The following NET1 variants were observed in gnomAD, a reference collection of about 807,000 sequenced individuals.
The protein encoded by NET1 is neuroepithelial cell-transforming gene 1 protein.
In NET1, 42 loss-of-function variants were observed where a neutral mutation model predicts 61.1. That is an observed-to-expected ratio of 0.69 (90% CI 0.54 to 0.89). The LOEUF (loss-of-function observed/expected upper bound fraction) is 0.89, where lower values mean the gene tolerates loss of function less well. NET1 is among the 40% of genes least tolerant of loss of function. The pLI is 0.00. For missense variants in NET1, 654 were observed against 747.3 expected (o/e 0.88, Z 1.46); for synonymous variants, 254 against 281.8 (o/e 0.90, Z 0.99).
Position 5,446,143 on chromosome 10 carries a change from A to G in NET1, c.256-5687A>G, listed in dbSNP as rs1224380171. ...CTAGTCTTAAGAAAAAGTGGGAACT[A>G]TTTAAAGACTTAGATAATCTATTTT... On this transcript the variant is annotated intron_variant, in intron 3 of 11. Coordinates refer to ENST00000355029, the MANE Select transcript of NET1 (RefSeq NM_001047160.3). The surrounding 1 kb of genome is among the most constrained non-coding windows in gnomAD (Gnocchi z 5.0). Among the ~76,000 whole-genome samples, 2 of 152,234 alleles carry G rather than the reference A, an allele frequency of 1.3e-5. No homozygotes were observed. The highest frequency in any genetic ancestry group is 2.9e-5 in the Non-Finnish European group (2 of 68,046).
At position 5,427,422 on chromosome 10, in the gene NET1, C is replaced by T. The variant is rs78585876; in HGVS notation, c.195+701C>T. 9.6e-3 allele frequency among the ~76,000 whole-genome samples: 1,464 copies of T among 152,152 alleles called. 20 individuals carry two copies. The highest frequency in any genetic ancestry group is 0.033 in the African/African-American group (1,389 of 41,496). On this transcript the variant is annotated intron_variant, in intron 2 of 11. Transcript: ENST00000355029. This position sits in a 1 kb window ranked among gnomAD's most constrained non-coding sequence, Gnocchi z 4.1. The stretch of plus-strand genomic sequence containing the variant: ...TAATATTGCTAGGCAGTTTCCTCCC[C>T]ACTTCTTCTCCTTCTCCATATTAGT...
chr10:5,455,239 A>G lies in NET1; in HGVS notation c.1197+121A>G, dbSNP rs1832777210. On this transcript the variant is annotated intron_variant, in intron 10 of 11. Transcript: ENST00000355029. The surrounding 1 kb of genome is among the most constrained non-coding windows in gnomAD (Gnocchi z 6.5). ...ATGACATAGTAAAAGAAGGTTGCCAATTTTAATTTTATATTACCAGCTTGA... is the reference window on the plus strand; with the variant it reads ...ATGACATAGTAAAAGAAGGTTGCCAGTTTTAATTTTATATTACCAGCTTGA... 3 of 854,478 alleles carry G rather than the reference A, an allele frequency of 3.5e-6. No homozygotes were observed. Among genetic ancestry groups the G allele is most frequent in the Non-Finnish European group, 5.4e-6 (3 of 554,512 alleles). The allele number at this position is 854,478 out of a possible 1,614,324, so 52.9% of individuals were successfully genotyped here.
chr10:5,442,928 C>A (rs188183172), intron 3 of NET1, among the ~76,000 whole-genome samples: 5 of 151,224 alleles, frequency 3.3e-5, no homozygotes, highest in Non-Finnish European at 3.0e-5. Context: ...ACTTACACAA[C>A]TGGAACTATT....
Position 5,420,403 on chromosome 10 carries a change from G to A in NET1, c.129-6252G>A, listed in dbSNP as rs952825381. Reference sequence around the variant, plus strand: ...TTATAACTCAGGTGGAATATATTTGGTATGTTGTATAAGATGTATTTGGGA... The same window carrying A: ...TTATAACTCAGGTGGAATATATTTGATATGTTGTATAAGATGTATTTGGGA... On this transcript the variant is annotated intron_variant, in intron 1 of 11. Transcript: ENST00000355029. The surrounding 1 kb of genome is among the most constrained non-coding windows in gnomAD (Gnocchi z 5.3). Among the ~76,000 whole-genome samples the A allele has an allele frequency of 6.6e-6, 1 of 152,032 alleles. No homozygotes were observed. Among genetic ancestry groups the A allele is most frequent in the African/African-American group, 2.4e-5 (1 of 41,392 alleles).
Position 5,439,589 on chromosome 10 carries a change from A to T in NET1, c.255+10360A>T, listed in dbSNP as rs556542206. Among the ~76,000 whole-genome samples, 2 of 152,162 alleles carry T rather than the reference A, an allele frequency of 1.3e-5. No individual in the cohort carries two copies. The highest frequency in any genetic ancestry group is 2.9e-5 in the Non-Finnish European group (2 of 68,028). On this transcript the variant is annotated intron_variant, in intron 3 of 11. Transcript: ENST00000355029. This position sits in a 1 kb window ranked among gnomAD's most constrained non-coding sequence, Gnocchi z 4.8. ...GTTTGTTTTGGGCACCTCTGATCGC[A>T]CAGTTAAATGATGTCCTGTAGCCAG...
chr10:5,417,855 A>G lies in NET1; in HGVS notation c.128+5035A>G, dbSNP rs1832107275. 6.6e-6 allele frequency among the ~76,000 whole-genome samples: 1 copy of G among 151,920 alleles called. No individual in the cohort carries two copies. Among genetic ancestry groups the G allele is most frequent in the Non-Finnish European group, 1.5e-5 (1 of 67,974 alleles). ...GTTGAGGAAGTTCCATTCTGTTACT[A>G]GTTTTTGAGTGGTTTTTATCATGAA... On this transcript the variant is annotated intron_variant, in intron 1 of 11. Transcript: ENST00000355029. This position sits in a 1 kb window ranked among gnomAD's most constrained non-coding sequence, Gnocchi z 5.5.
chr10:5,438,744 C>A (rs1159315998), intron 3 of NET1, among the ~76,000 whole-genome samples: 1 of 152,174 alleles, frequency 6.6e-6, no homozygotes, highest in East Asian at 1.9e-4. Flanking sequence ...TCTAAGAGAT[C>A]AGTATTATCC....
At chr10:5,418,489 T>G (rs922395429) in intron 1 of NET1, among the ~76,000 whole-genome samples, 5 of 152,144 alleles carry the variant, frequency 3.3e-5, no homozygotes, top group Non-Finnish European at 7.4e-5. Context: ...TCAATAGTAA[T>G]GTCCCCTCTT....
At position 5,431,166 on chromosome 10, in the gene NET1, C is replaced by T. The variant is rs959821889; in HGVS notation, c.255+1937C>T. On this transcript the variant is annotated intron_variant, in intron 3 of 11. Transcript: ENST00000355029. This position sits in a 1 kb window ranked among gnomAD's most constrained non-coding sequence, Gnocchi z 4.9. Reference sequence around the variant, plus strand: ...GATTACAGGCGTGAGCCACCGCGCCCGGCCTTAACTATATCTCTTAAGTCT... The same window carrying T: ...GATTACAGGCGTGAGCCACCGCGCCTGGCCTTAACTATATCTCTTAAGTCT... Among the ~76,000 whole-genome samples, 19 of 152,200 alleles carry T rather than the reference C, an allele frequency of 1.2e-4. No homozygotes were observed. Among genetic ancestry groups the T allele is most frequent in the East Asian group, 5.8e-4 (3 of 5,184 alleles).
chr10:5,414,898 G>T (rs1304747477), intron 1 of NET1, among the ~76,000 whole-genome samples: 1 of 152,186 alleles, frequency 6.6e-6, no homozygotes, highest in East Asian at 1.9e-4. Context: ...TTCCCACCAG[G>T]CCTCTATTTT....
In NET1 at chr10:5,428,918, G is replaced by C. The variant is rs149983737; in HGVS notation, c.196-252G>C. 5.5e-5 allele frequency among the ~76,000 whole-genome samples: 8 copies of C among 145,908 alleles called. No individual in the cohort carries two copies. The South Asian group carries it at 1.5e-3, about 28-fold the overall frequency. On this transcript the variant is annotated intron_variant, in intron 2 of 11. Coordinates refer to ENST00000355029, the MANE Select transcript of NET1 (RefSeq NM_001047160.3). ...TTTTTTTTTTTTTGGATTTTTAGTA[G>C]AGACAGGGTTTCGCCACGTTGGCCA...
chr10:5,454,355 C>T lies in NET1; in HGVS notation c.859C>T (p.Gln287Ter), dbSNP rs759987982. The T allele has an allele frequency of 6.2e-7, 1 of 1,614,140 alleles. No homozygotes were observed. The highest frequency in any genetic ancestry group is 1.1e-5 in the South Asian group (1 of 91,074). Residue 287 changes from glutamine to a stop codon, truncating the protein, a stop_gained, in exon 9 of 12, where the codon CAA becomes TAA. Coordinates refer to ENST00000355029, the MANE Select transcript of NET1 (RefSeq NM_001047160.3). LOFTEE classifies it high-confidence loss of function. This position sits in a 1 kb window ranked among gnomAD's most constrained non-coding sequence, Gnocchi z 8.1. Reference sequence around the variant, plus strand: ...TCAAAAGAAACAGGATCCAAGAGTCCAAGACTTCCTCCAGCGATGTCTCGA... The same window carrying T: ...TCAAAAGAAACAGGATCCAAGAGTCTAAGACTTCCTCCAGCGATGTCTCGA... The part of the protein sequence containing the change: ...LDQKKQDPRV[Q>*]DFLQRCLESP...
In NET1 at chr10:5,413,111, G is replaced by A. The variant is rs1293315814; in HGVS notation, c.128+291G>A. Among the ~76,000 whole-genome samples, 3 of 151,968 alleles carry A rather than the reference G, an allele frequency of 2.0e-5. No homozygotes were observed. In the East Asian group the frequency reaches 5.8e-4, roughly 30 times the overall value. On this transcript the variant is annotated intron_variant, in intron 1 of 11. Transcript: ENST00000355029. ...GACAGTGTGCCTGGCCTTGGACCGA[G>A]GTCGGTCCTGAGACCCCAAACTGCG...
In NET1 at chr10:5,452,045, A is replaced by G. The variant is rs1245727536; in HGVS notation, c.363+108A>G. 2 of 802,230 alleles carry G rather than the reference A, an allele frequency of 2.5e-6. No homozygotes were observed. The highest frequency in any genetic ancestry group is 3.9e-6 in the Non-Finnish European group (2 of 518,560). The allele number at this position is 802,230 out of a possible 1,614,324, so 49.7% of individuals were successfully genotyped here. A position where few individuals can be genotyped will look rare whatever the true frequency, so the allele number is the denominator to read the frequency against. On this transcript the variant is annotated intron_variant, in intron 4 of 11. Transcript: ENST00000355029. The surrounding 1 kb of genome is among the most constrained non-coding windows in gnomAD (Gnocchi z 4.0). ...CAAGTTTGCATTATTATATTTAAAC[A>G]TAGTTTTCTTTTTGGAATATGCTAG...
In NET1 at chr10:5,457,878, GA is replaced by G. The variant is rs1368945105; in HGVS notation, c.*887del. On this transcript the variant is annotated 3_prime_UTR_variant, in exon 12 of 12. Transcript: ENST00000355029. The surrounding 1 kb of genome is among the most constrained non-coding windows in gnomAD (Gnocchi z 5.4). ...ATGGCTTGATGTATTCTAGACTACT[GA>G]AAGAAAACCACTTCAAAGATTTTGT... 1 of 152,590 alleles carries G rather than the reference GA, an allele frequency of 6.6e-6. No homozygotes were observed. Among genetic ancestry groups the G allele is most frequent in the African/African-American group, 2.4e-5 (1 of 41,438 alleles). 9.5% of individuals were successfully genotyped at this position (152,590 alleles called of 1,614,324 possible).
In NET1 at chr10:5,453,721, G is replaced by GT. The variant is rs1479957088; in HGVS notation, c.768+164dup. Among the ~76,000 whole-genome samples the GT allele has an allele frequency of 6.9e-6, 1 of 145,656 alleles. No individual in the cohort carries two copies. The highest frequency in any genetic ancestry group is 1.5e-5 in the Non-Finnish European group (1 of 66,544). ...ACAGTGACATAAGAAGTTACAGTCT[G>GT]TTTAAAAAAAAAAAAAAACACCTTC... On this transcript the variant is annotated intron_variant, in intron 8 of 11. Coordinates refer to ENST00000355029, the MANE Select transcript of NET1 (RefSeq NM_001047160.3). This position sits in a 1 kb window ranked among gnomAD's most constrained non-coding sequence, Gnocchi z 4.9.
chr10:5,453,142 CAG>C lies in NET1; in HGVS notation c.595-106_595-105del. On this transcript the variant is annotated intron_variant, in intron 6 of 11. Transcript: ENST00000355029. This position sits in a 1 kb window ranked among gnomAD's most constrained non-coding sequence, Gnocchi z 4.9. ...ACTAATTTATTTTATGTGTAGCAAA[CAG>C]AATCCACGCTAGCTTTTATGTAATT... is the stretch of plus-strand genomic sequence containing the variant. 1.3e-6 allele frequency: 1 copy of C among 780,002 alleles called. No homozygotes were observed. The highest frequency in any genetic ancestry group is 2.2e-6 in the Non-Finnish European group (1 of 448,424). The allele number at this position is 780,002 out of a possible 1,614,324, so 48.3% of individuals were successfully genotyped here.
chr10:5,412,784 CT>C lies in NET1; in HGVS notation c.94del (p.Ser32ArgfsTer24). On this transcript the variant is annotated frameshift_variant, in exon 1 of 12. Coordinates refer to ENST00000355029, the MANE Select transcript of NET1 (RefSeq NM_001047160.3). LOFTEE classifies it high-confidence loss of function. This position sits in a 1 kb window ranked among gnomAD's most constrained non-coding sequence, Gnocchi z 6.5. ...SGLSTEGATG[P>X]SADTSGSELD... ...CTCAGCACGGAGGGAGCGACGGGGC[CT>C]TCGGCCGACACCTCCGGGTCGGAGC... 1 of 1,456,690 alleles carries C rather than the reference CT, an allele frequency of 6.9e-7. No homozygotes were observed. The highest frequency in any genetic ancestry group is 9.0e-7 in the Non-Finnish European group (1 of 1,108,404). 90.2% of individuals were successfully genotyped at this position (1,456,690 alleles called of 1,614,324 possible). A position where few individuals can be genotyped will look rare whatever the true frequency, so the allele number is the denominator to read the frequency against.
In NET1 at chr10:5,423,430, G is replaced by A. The variant is rs1195154655; in HGVS notation, c.129-3225G>A. 6.6e-6 allele frequency among the ~76,000 whole-genome samples: 1 copy of A among 152,032 alleles called. No homozygotes were observed. Among genetic ancestry groups the A allele is most frequent in the Non-Finnish European group, 1.5e-5 (1 of 67,976 alleles). On this transcript the variant is annotated intron_variant, in intron 1 of 11. Coordinates refer to ENST00000355029, the MANE Select transcript of NET1 (RefSeq NM_001047160.3). The surrounding 1 kb of genome is among the most constrained non-coding windows in gnomAD (Gnocchi z 4.4). ...ATTTCTTTAGACTAAACCTAATTTA[G>A]TGTAAATACATTGTTCAAAAACATA...
Sources: gnomAD v4.1 joint callset for allele counts (sites outside exome capture counted in the v4.1 genomes callset) on GRCh38, gnomAD v4.1.1 for gene constraint, Gnocchi (gnomAD v3.1) non-coding constraint, MANE v1.5 for transcripts, NCBI Gene and HGNC (gene_info 2026-07-23, HGNC 2026-07-21) for gene names.